The following SLC38A4 variants were observed in gnomAD, a reference collection of about 807,000 sequenced individuals.
The protein encoded by SLC38A4 is solute carrier family 38 member 4, also known as sodium-coupled neutral amino acid transporter 4.
A neutral mutation model predicts 63.1 loss-of-function variants in SLC38A4; 20 were observed. The observed-to-expected ratio is 0.32, with a 90% CI of 0.22 to 0.46. SLC38A4 has a LOEUF of 0.46. Ranked by LOEUF, SLC38A4 falls within the 20% of genes least tolerant of loss-of-function variation. The probability of loss-of-function intolerance (pLI) is 1.00; values close to 1 mark genes in which losing one functional copy is unlikely to be tolerated. For synonymous variants in SLC38A4, 230 were observed against 225.5 expected (o/e 1.02, Z -0.18); for missense variants, 526 against 663.6 (o/e 0.79, Z 2.28).
chr12:46,794,099 C>T (rs1159293876), intron 2 of SLC38A4, among the ~76,000 whole-genome samples: 5 of 152,126 alleles, frequency 3.3e-5, no homozygotes. Flanking sequence ...GTGGTCATGA[C>T]ATGTGCAATA....
chr12:46,823,325 A>G (rs974916259), intron 1 of SLC38A4, among the ~76,000 whole-genome samples: 1 of 152,242 alleles, frequency 6.6e-6, no homozygotes, highest in African/African-American at 2.4e-5. Context: ...CCAGAAGAAC[A>G]GCCTGCAAAG....
chr12:46,795,222 C>G (rs1938978428), intron 2 of SLC38A4, among the ~76,000 whole-genome samples: 1 of 151,904 alleles, frequency 6.6e-6, no homozygotes, highest in Non-Finnish European at 1.5e-5. Flanking sequence ...TTCTTTCTTT[C>G]CTTCCTTCTC....
chr12:46,769,563 A>AT (rs1049613084), intron 14 of SLC38A4, 135 bp from the exon 15 acceptor site: 5 of 928,470 alleles, frequency 5.4e-6, no homozygotes, highest in South Asian at 1.8e-5. Flanking sequence ...GCTTTTTTCA[A>AT]TTTTTTTATT....
intron 3 of SLC38A4, among the ~76,000 whole-genome samples, chr12:46,791,976 C>A (rs1938898205): frequency 1.3e-5 from 2 of 152,032 alleles, no homozygotes; most frequent in Non-Finnish European, 2.9e-5. Flanking sequence ...ACAGGAGGGG[C>A]AGGTCAAGAA....
chr12:46,783,930 G>C (rs1938701870), intron 7 of SLC38A4, among the ~76,000 whole-genome samples: 1 of 151,858 alleles, frequency 6.6e-6, no homozygotes, highest in Non-Finnish European at 1.5e-5. Context: ...ACCAACGAGA[G>C]AACATTGTTA....
intron 14 of SLC38A4, among the ~76,000 whole-genome samples, chr12:46,771,686 C>CT (rs1938418971): frequency 6.6e-6 from 1 of 152,030 alleles, no homozygotes; most frequent in African/African-American, 2.4e-5. Context: ...AGGTACTAGG[C>CT]TTGTGGTGGT....
intron 1 of SLC38A4, among the ~76,000 whole-genome samples, chr12:46,815,284 T>TATAC (rs1555173035): frequency 1.3e-3 from 104 of 82,902 alleles, no homozygotes; most frequent in East Asian, 4.3e-3. Flanking sequence ...TATATATATA[T>TATAC]ACACACACAC....
intron 1 of SLC38A4, among the ~76,000 whole-genome samples, chr12:46,821,421 T>C (rs2120922183): frequency 6.6e-6 from 1 of 152,240 alleles, no homozygotes; most frequent in Non-Finnish European, 1.5e-5. Context: ...GAGGCTATGT[T>C]TTCCCTATTG....
intron 12 of SLC38A4, among the ~76,000 whole-genome samples, chr12:46,777,437 C>T (rs1211516340): frequency 6.6e-6 from 1 of 151,978 alleles, no homozygotes; most frequent in Non-Finnish European, 1.5e-5. Context: ...GAAAACCATT[C>T]TAGAAGGAAC....
chr12:46,772,792 G>A (rs747335219), intron 14 of SLC38A4, among the ~76,000 whole-genome samples: 2 of 152,074 alleles, frequency 1.3e-5, no homozygotes, highest in Non-Finnish European at 2.9e-5. Context: ...TTGAAAGAAG[G>A]AGAACACAAA....
intron 1 of SLC38A4, among the ~76,000 whole-genome samples, chr12:46,825,694 G>C (rs944993958): frequency 6.6e-6 from 1 of 152,094 alleles, no homozygotes; most frequent in Non-Finnish European, 1.5e-5. Context: ...CCAGAAACAA[G>C]ACTATAGCCT....
At chr12:46,815,496 A>G (rs1472104341) in intron 1 of SLC38A4, among the ~76,000 whole-genome samples, 1 of 151,520 alleles carries the variant, frequency 6.6e-6, no homozygotes, top group Non-Finnish European at 1.5e-5. Flanking sequence ...TAGTTTATTT[A>G]CTTTTCTTCA....
intron 1 of SLC38A4, among the ~76,000 whole-genome samples, chr12:46,805,631 C>G (rs950688121): frequency 5.3e-5 from 8 of 151,978 alleles, no homozygotes; most frequent in Non-Finnish European, 1.2e-4. Flanking sequence ...TGCTAATAGA[C>G]TTGTGCTGTT....
chr12:46,767,174 A>G (rs1354028847), intron 16 of SLC38A4, among the ~76,000 whole-genome samples: 1 of 152,056 alleles, frequency 6.6e-6, no homozygotes, highest in Non-Finnish European at 1.5e-5. Flanking sequence ...ATATGATATG[A>G]TTCTAATTTT....
intron 1 of SLC38A4, among the ~76,000 whole-genome samples, chr12:46,805,939 C>T (rs1390055304): frequency 6.6e-6 from 1 of 151,772 alleles, no homozygotes; most frequent in Non-Finnish European, 1.5e-5. Context: ...GGAGACTTGG[C>T]TTCCCAGACT....
chr12:46,808,627 C>A (rs1939282905), intron 1 of SLC38A4, among the ~76,000 whole-genome samples: 1 of 152,010 alleles, frequency 6.6e-6, no homozygotes, highest in African/African-American at 2.4e-5. Flanking sequence ...ATTGATCCCA[C>A]ACTGAAATGA....
In SLC38A4 at chr12:46,817,040, G is replaced by A. The variant is rs768603454; in HGVS notation, c.-305+8863C>T. Among the ~76,000 whole-genome samples the A allele has an allele frequency of 6.6e-4, 97 of 146,510 alleles. 1 individual carries two copies. Among genetic ancestry groups the A allele is most frequent in the Non-Finnish European group, 6.4e-4 (43 of 67,098 alleles). Reference sequence around the variant, plus strand: ...AGGTAGAGTAGCTTAATAGCTTAAGGGGAAGATATGGTTTATGCAGTTGGG... The same window carrying A: ...AGGTAGAGTAGCTTAATAGCTTAAGAGGAAGATATGGTTTATGCAGTTGGG... On this transcript the variant is annotated intron_variant, in intron 1 of 16. Transcript: ENST00000266579.
chr12:46,827,679 T>C (rs1939677688), upstream of SLC38A4, among the ~76,000 whole-genome samples: 1 of 152,092 alleles, frequency 6.6e-6, no homozygotes, highest in East Asian at 1.9e-4. Flanking sequence ...CATAAAAGCA[T>C]AGAAGAACAT....
intron 3 of SLC38A4, among the ~76,000 whole-genome samples, chr12:46,792,077 G>C (rs1411477315): frequency 6.6e-6 from 1 of 152,088 alleles, no homozygotes; most frequent in Non-Finnish European, 1.5e-5. Context: ...TTTATCTAAG[G>C]ATGGAAATTG....
Sources: gnomAD v4.1 joint callset for allele counts (sites outside exome capture counted in the v4.1 genomes callset) on GRCh38, gnomAD v4.1.1 for gene constraint, MANE v1.5 for transcripts, NCBI Gene and HGNC (gene_info 2026-07-23, HGNC 2026-07-21) for gene names.